The following TICRR variants were observed in gnomAD, a reference collection of about 807,000 sequenced individuals.
TICRR encodes the protein TOPBP1 interacting checkpoint and replication regulator.
TICRR carries 132 observed loss-of-function variants against 178.1 expected under a neutral mutation model. The ratio of observed to expected loss-of-function variants is 0.74; its 90% CI spans 0.64 to 0.86. The LOEUF is 0.86. Ranked by LOEUF, TICRR falls within the 40% of genes least tolerant of loss-of-function variation. TICRR has a pLI of 0.00. For synonymous variants in TICRR, 991 were observed against 900.7 expected (o/e 1.10, Z -1.79); for missense variants, 2,587 against 2,334.3 (o/e 1.11, Z -2.23).
At chr15:89,616,339 G>C in intron 15 of TICRR, 66 bp from the exon 16 acceptor site, 1 of 1,374,968 alleles carries the variant, frequency 7.3e-7, no homozygotes, top group Non-Finnish European at 1.0e-6. Flanking sequence ...CTGCTCCCTT[G>C]GCCTTACTGC....
intron 15 of TICRR, 67 bp downstream of exon 15, chr15:89,609,016 G>A (rs918105575): frequency 1.0e-4 from 143 of 1,392,462 alleles, no homozygotes; most frequent in East Asian, 1.8e-4. Flanking sequence ...GTAATGTACC[G>A]TCTTTCTTTC....
intron 6 of TICRR, 52 bp from the exon 7 acceptor site, chr15:89,595,341 C>A (rs1274465792): frequency 3.8e-6 from 5 of 1,312,476 alleles, no homozygotes; most frequent in South Asian, 3.6e-5. Context: ...GTTCTTCTTT[C>A]CACAGAAGTG....
Position 89,601,730 on chromosome 15 carries a change from T to A in TICRR, c.2328-7T>A. Reference sequence around the variant, plus strand: ...ACTGTTCCGTATTCGATCAATCTGTTCCACAGGTATATTGACTCTATCCCA... The same window carrying A: ...ACTGTTCCGTATTCGATCAATCTGTACCACAGGTATATTGACTCTATCCCA... On this transcript the variant is annotated splice_polypyrimidine_tract_variant and splice_region_variant and intron_variant, in intron 11 of 21. Coordinates refer to ENST00000268138, the MANE Select transcript of TICRR (RefSeq NM_152259.4). 5 of 1,614,140 alleles carry A rather than the reference T, an allele frequency of 3.1e-6. No homozygotes were observed. The highest frequency in any genetic ancestry group is 4.2e-6 in the Non-Finnish European group (5 of 1,179,994).
At chr15:89,580,767 C>T (rs1337066933) in intron 1 of TICRR, among the ~76,000 whole-genome samples, 1 of 152,162 alleles carries the variant, frequency 6.6e-6, no homozygotes, top group Admixed American at 6.5e-5. Context: ...GGCCTAGTGG[C>T]TTATACCTGT....
chr15:89,625,403 C>G lies in TICRR; in HGVS notation c.5093C>G (p.Ser1698Cys). Residue 1698 changes from serine to cysteine, a missense_variant, in exon 20 of 22, where the codon TCC (serine) becomes TGC (cysteine). Coordinates refer to ENST00000268138, the MANE Select transcript of TICRR (RefSeq NM_152259.4). Reference protein sequence around the residue: ...RKRAVGCGAGSSSGRGEVGAD... With the variant: ...RKRAVGCGAGCSSGRGEVGAD... ...AGGGCGGTGGGCTGTGGCGCCGGCT[C>G]CTCTTCCGGGAGGGGCGAGGTCGGT... The G allele has an allele frequency of 2.5e-6, 4 of 1,613,928 alleles. No homozygotes were observed. Among genetic ancestry groups the G allele is most frequent in the Non-Finnish European group, 3.4e-6 (4 of 1,179,994 alleles).
intron 2 of TICRR, 129 bp downstream of exon 2, chr15:89,583,094 A>G (rs1447633703): frequency 9.4e-7 from 1 of 1,068,266 alleles, no homozygotes; most frequent in East Asian, 2.6e-5. Flanking sequence ...TCATGAAAGA[A>G]TTAAAAGACA....
At position 89,584,339 on chromosome 15, in the gene TICRR, C is replaced by T; in HGVS notation, c.988C>T (p.His330Tyr). The change falls in exon 3 of 22, where the codon CAT becomes TAT. Residue 330 changes from histidine (H) to tyrosine (Y), a missense_variant. Transcript: ENST00000268138. ...WTVTLEPLAM[H>Y]QRHFQKPVRI... ...AGTCACCCTAGAGCCCTTGGCCATG[C>T]ATCAGAGACATTTTCAGAAACCAGT... The T allele has an allele frequency of 1.2e-6, 2 of 1,614,154 alleles. No homozygotes were observed. The highest frequency in any genetic ancestry group is 1.7e-6 in the Non-Finnish European group (2 of 1,180,006).
At chr15:89,604,973 A>C (rs922966337) in intron 13 of TICRR, among the ~76,000 whole-genome samples, 2 of 152,204 alleles carry the variant, frequency 1.3e-5, no homozygotes, top group African/African-American at 4.8e-5. Context: ...AAGCGTAGAC[A>C]TATAGTATTA....
In TICRR at chr15:89,627,108, A is replaced by G. The variant is rs1963544519; in HGVS notation, c.*22A>G. The G allele has an allele frequency of 6.2e-7, 1 of 1,613,488 alleles. No individual in the cohort carries two copies. The highest frequency in any genetic ancestry group is 2.2e-5 in the East Asian group (1 of 44,890). ...ATAGCCACAAACATTACTGAGCCCA[A>G]AAGATCAAGGAGTCAGCCAGGACCC... is the stretch of plus-strand genomic sequence containing the variant. On this transcript the variant is annotated 3_prime_UTR_variant, in exon 22 of 22. Transcript: ENST00000268138.
chr15:89,625,588 G>A lies in TICRR; in HGVS notation c.5278G>A (p.Glu1760Lys), dbSNP rs752820808. The A allele has an allele frequency of 8.7e-6, 14 of 1,612,878 alleles. No homozygotes were observed. Among genetic ancestry groups the A allele is most frequent in the African/African-American group, 4.0e-5 (3 of 74,914 alleles). The stretch of plus-strand genomic sequence containing the variant: ...TCCCAGGAACAGCATGCCTAAGGCC[G>A]AGGAAGCCTCTTCCTGGGGACAGTT... Reference protein sequence around the residue: ...SPPRNSMPKAEEASSWGQFGL... With the variant: ...SPPRNSMPKAKEASSWGQFGL... The change falls in exon 20 of 22, where the codon GAG becomes AAG. Residue 1760 changes from glutamate (E) to lysine (K), a missense_variant. By Grantham distance (56) the Glu-to-Lys change is moderately conservative. Coordinates refer to ENST00000268138, the MANE Select transcript of TICRR (RefSeq NM_152259.4).
chr15:89,613,882 C>T (rs993115684), intron 15 of TICRR, among the ~76,000 whole-genome samples: 38 of 151,778 alleles, frequency 2.5e-4, no homozygotes, highest in East Asian at 9.7e-4. Flanking sequence ...TAGCCGGGCG[C>T]GGTGGCTCAC....
At chr15:89,589,223 C>T (rs760665580) in intron 4 of TICRR, among the ~76,000 whole-genome samples, 2 of 152,042 alleles carry the variant, frequency 1.3e-5, no homozygotes, top group East Asian at 3.9e-4. Flanking sequence ...TCTAGGGCTT[C>T]GCCTGACGGG....
chr15:89,615,213 G>A (rs939666750), intron 15 of TICRR, among the ~76,000 whole-genome samples: 1 of 152,192 alleles, frequency 6.6e-6, no homozygotes, highest in Non-Finnish European at 1.5e-5. Flanking sequence ...GAAAAAGGTG[G>A]TTTACACTGT....
intron 7 of TICRR, among the ~76,000 whole-genome samples, chr15:89,598,425 C>T (rs572949658): frequency 7.2e-5 from 11 of 152,162 alleles, no homozygotes; most frequent in East Asian, 3.9e-4. Context: ...TGCAATGGTG[C>T]GGTCTTGGCT....
Position 89,627,330 on chromosome 15 carries a change from T to C in TICRR, c.*244T>C. 1 of 462,066 alleles carries C rather than the reference T, an allele frequency of 2.2e-6. No individual in the cohort carries two copies. The highest frequency in any genetic ancestry group is 3.7e-5 in the Admixed American group (1 of 27,220). The allele number at this position is 462,066 out of a possible 1,614,324, so 28.6% of individuals were successfully genotyped here. A position where few individuals can be genotyped will look rare whatever the true frequency, so the allele number is the denominator to read the frequency against. On this transcript the variant is annotated 3_prime_UTR_variant, in exon 22 of 22. Transcript: ENST00000268138. ...GATTGGTGCTATAACTCAGGCAGCC[T>C]GGGAGTCAGGAACCCAGACAAGGAA...
intron 2 of TICRR, among the ~76,000 whole-genome samples, chr15:89,583,639 GTCT>G (rs755538481): frequency 2.6e-5 from 4 of 151,904 alleles, no homozygotes; most frequent in Non-Finnish European, 5.9e-5. Flanking sequence ...AAGAAGTGGT[GTCT>G]TCTTTCTTAT....
chr15:89,577,291 G>A (rs1487052602), intron 1 of TICRR, among the ~76,000 whole-genome samples: 8 of 151,994 alleles, frequency 5.3e-5, no homozygotes, highest in Admixed American at 5.2e-4. Context: ...GTCTTAAATG[G>A]CTAATTTGGA....
chr15:89,593,662 C>T (rs1962949866), intron 5 of TICRR, among the ~76,000 whole-genome samples: 1 of 152,134 alleles, frequency 6.6e-6, no homozygotes, highest in Non-Finnish European at 1.5e-5. Flanking sequence ...GCCAAGATCG[C>T]GCCACTGCAC....
intron 15 of TICRR, among the ~76,000 whole-genome samples, chr15:89,611,360 C>T (rs531025237): frequency 1.1e-4 from 16 of 152,298 alleles, no homozygotes; most frequent in Non-Finnish European, 2.1e-4. Flanking sequence ...GAGAAATCAA[C>T]TATTAATCTT....
Sources: allele counts gnomAD v4.1 joint callset (sites outside exome capture counted in the v4.1 genomes callset), GRCh38; gene constraint gnomAD v4.1.1; transcripts MANE v1.5; gene names NCBI Gene and HGNC (gene_info 2026-07-23, HGNC 2026-07-21).